The following JARID2 variants were observed in gnomAD, a reference collection of about 807,000 sequenced individuals.
The protein encoded by JARID2 is protein Jumonji.
Under a neutral mutation model 125.6 loss-of-function variants are expected in JARID2, and 21 were observed. That is an observed-to-expected ratio of 0.17 (90% CI 0.12 to 0.24). The LOEUF is 0.24. JARID2 is among the 10% of genes least tolerant of loss of function. The pLI is 1.00. For synonymous variants in JARID2, 736 were observed against 661.6 expected (o/e 1.11, Z -1.73); for missense variants, 1,303 against 1,639.6 (o/e 0.79, Z 3.55).
chr6:15,327,821 T>G (rs1762582956), intron 1 of JARID2, among the ~76,000 whole-genome samples: 1 of 152,186 alleles, frequency 6.6e-6, no homozygotes. Context: ...TGTCTTTACT[T>G]TCACATTCTT....
intron 1 of JARID2, among the ~76,000 whole-genome samples, chr6:15,316,081 T>TG (rs1762170711): frequency 6.6e-6 from 1 of 152,076 alleles, no homozygotes; most frequent in African/African-American, 2.4e-5. Flanking sequence ...ACCACTGAAG[T>TG]GGGGTCTGCT....
chr6:15,495,357 T>G (rs752489109), intron 6 of JARID2, among the ~76,000 whole-genome samples: 3 of 152,322 alleles, frequency 2.0e-5, no homozygotes, highest in Middle Eastern at 3.4e-3. Context: ...TGGGACAGTT[T>G]GTAAACGGTG....
chr6:15,335,732 G>A (rs564169695), intron 1 of JARID2, among the ~76,000 whole-genome samples: 1 of 152,278 alleles, frequency 6.6e-6, no homozygotes, highest in South Asian at 2.1e-4. Flanking sequence ...CAAGCCTTAA[G>A]CATTCCTATG....
chr6:15,464,274 ATTC>A, intron 4 of JARID2, among the ~76,000 whole-genome samples: 1 of 152,188 alleles, frequency 6.6e-6, no homozygotes, highest in East Asian at 1.9e-4. Flanking sequence ...TTCCAGCAGA[ATTC>A]TTAGAGGGAT....
chr6:15,452,257 ACT>A (rs1767951356), intron 4 of JARID2, 82 bp downstream of exon 4: 1 of 1,524,040 alleles, frequency 6.6e-7, no homozygotes, highest in East Asian at 2.3e-5. Context: ...CCTTAGCTTT[ACT>A]CTCTGCCATG....
intron 2 of JARID2, among the ~76,000 whole-genome samples, chr6:15,407,446 T>A (rs1183374234): frequency 1.3e-5 from 2 of 151,936 alleles, no homozygotes; most frequent in African/African-American, 2.4e-5. Context: ...AAAGCTGTCA[T>A]CAAAAAGCTT....
At position 15,517,305 on chromosome 6, in the gene JARID2, C is replaced by T. The variant is rs771085970; in HGVS notation, c.3558+37C>T. 2.8e-5 allele frequency: 40 copies of T among 1,426,524 alleles called. No homozygotes were observed. The East Asian group carries it at 5.5e-4, about 19-fold the overall frequency. The allele number at this position is 1,426,524 out of a possible 1,614,324, so 88.4% of individuals were successfully genotyped here. A position where few individuals can be genotyped will look rare whatever the true frequency, so the allele number is the denominator to read the frequency against. ...CCCGCGGGGTAGGGCAGGGCGGCAGCGTGGCGCCTTCCCTGCTCCCGGCTG... is the reference window on the plus strand; with the variant it reads ...CCCGCGGGGTAGGGCAGGGCGGCAGTGTGGCGCCTTCCCTGCTCCCGGCTG... On this transcript the variant is annotated intron_variant, in intron 17 of 17. Transcript: ENST00000341776.
In JARID2 at chr6:15,471,854, A is replaced by G. The variant is rs79979525; in HGVS notation, c.670+3136A>G. On this transcript the variant is annotated intron_variant, in intron 5 of 17. Transcript: ENST00000341776. ...ACCTAAAGGAGGGCATAATGATTCT[A>G]CATTGACCACTGTCATTGCCACTAG... is the stretch of plus-strand genomic sequence containing the variant. 3.0e-4 allele frequency among the ~76,000 whole-genome samples: 46 copies of G among 152,308 alleles called. 1 individual carries two copies. The East Asian group carries it at 8.7e-3, about 29-fold the overall frequency.
intron 1 of JARID2, among the ~76,000 whole-genome samples, chr6:15,324,054 C>A (rs536080431): frequency 1.3e-5 from 2 of 151,706 alleles, no homozygotes; most frequent in Non-Finnish European, 2.9e-5. Context: ...TGGTGGCGGG[C>A]GCCTGTAGTC....
At chr6:15,294,552 G>C (rs530154070) in intron 1 of JARID2, among the ~76,000 whole-genome samples, 1 of 152,246 alleles carries the variant, frequency 6.6e-6, no homozygotes, top group African/African-American at 2.4e-5. Flanking sequence ...GTGAAAACCT[G>C]CTTACCCTAG....
chr6:15,496,517 T>C lies in JARID2; in HGVS notation c.1292T>C (p.Leu431Pro). The change falls in exon 7 of 18, where the codon CTG (leucine) becomes CCG (proline). Residue 431 changes from leucine (L) to proline (P), a missense_variant. Around this residue, in one of 11 missense-constraint regions of JARID2, gnomAD observed 651 missense variants for 581.6 expected, o/e 1.12. Transcript: ENST00000341776. The stretch of plus-strand genomic sequence containing the variant: ...GGGGGGCGGCAGCTGCGGGAGGGCC[T>C]GCAGCTGCGGGAGGGGCTGCGGAAC... ...EVGGRQLREG[L>P]QLREGLRNSK... The C allele has an allele frequency of 1.2e-6, 2 of 1,601,986 alleles. No individual in the cohort carries two copies. Among genetic ancestry groups the C allele is most frequent in the Non-Finnish European group, 8.5e-7 (1 of 1,174,084 alleles).
chr6:15,419,491 G>T (rs887043385), intron 3 of JARID2, among the ~76,000 whole-genome samples: 3 of 152,102 alleles, frequency 2.0e-5, no homozygotes, highest in African/African-American at 7.2e-5. Context: ...TTGCTTGAAG[G>T]ATTTTAACAT....
intron 1 of JARID2, among the ~76,000 whole-genome samples, chr6:15,326,772 A>G (rs1232314168): frequency 2.0e-5 from 3 of 152,220 alleles, no homozygotes; most frequent in Non-Finnish European, 4.4e-5. Flanking sequence ...AAGTTCTGGG[A>G]TAATAGGCGT....
At position 15,487,504 on chromosome 6, in the gene JARID2, C is replaced by T. The variant is rs201789074; in HGVS notation, c.868C>T (p.Pro290Ser). The T allele has an allele frequency of 3.0e-5, 48 of 1,613,810 alleles. No individual in the cohort carries two copies. Among genetic ancestry groups the T allele is most frequent in the Non-Finnish European group, 3.9e-5 (46 of 1,179,896 alleles). ...GGGGCTTGCTGCCACCCATCACCAC[C>T]CCCCTCTGCATCGGTCGGCTCAGGA... Reference protein sequence around the residue: ...AKGLAATHHHPPLHRSAQDLR... With the variant: ...AKGLAATHHHSPLHRSAQDLR... Residue 290 changes from proline to serine, a missense_variant, in exon 6 of 18, where the codon CCC (proline) becomes TCC (serine). Around this residue, in one of 11 missense-constraint regions of JARID2, gnomAD observed 651 missense variants for 581.6 expected, o/e 1.12. Transcript: ENST00000341776.
chr6:15,414,731 C>CT (rs1282990219), intron 3 of JARID2, among the ~76,000 whole-genome samples: 2 of 150,456 alleles, frequency 1.3e-5, no homozygotes, highest in East Asian at 3.9e-4. Flanking sequence ...TGTTGTTTTT[C>CT]TTTTTCTTTT....
intron 6 of JARID2, among the ~76,000 whole-genome samples, chr6:15,494,933 C>T (rs371190732): frequency 1.3e-5 from 2 of 152,304 alleles, no homozygotes; most frequent in South Asian, 4.1e-4. Context: ...ACCTTCCTCT[C>T]GGGCTGTTGG....
At chr6:15,408,418 A>G (rs576236298) in intron 2 of JARID2, among the ~76,000 whole-genome samples, 1 of 152,292 alleles carries the variant, frequency 6.6e-6, no homozygotes, top group Admixed American at 6.5e-5. Context: ...TAAGATAAAT[A>G]TTATGTTCCT....
chr6:15,519,890 G>T (rs1469858668), intron 17 of JARID2, among the ~76,000 whole-genome samples, 179 bp from the exon 18 acceptor site: 1 of 152,106 alleles, frequency 6.6e-6, no homozygotes, highest in African/African-American at 2.4e-5. Context: ...GCATCAGGAG[G>T]AGCTGGGAAA....
intron 2 of JARID2, chr6:15,400,731 C>A: frequency 1.1e-6 from 1 of 883,014 alleles, no homozygotes; most frequent in Non-Finnish European, 1.4e-6. Context: ...CCCTCCCTTG[C>A]ACATAAATAA....
Sources: gnomAD v4.1 joint callset for allele counts (sites outside exome capture counted in the v4.1 genomes callset) on GRCh38, gnomAD v4.1.1 for gene constraint, gnomAD v4.1.1 regional missense constraint, MANE v1.5 for transcripts, NCBI Gene and HGNC (gene_info 2026-07-23, HGNC 2026-07-21) for gene names.